LGALS3: variants seen among roughly 807,000 people sequenced by gnomAD.
LGALS3 encodes galectin 3.
A neutral mutation model predicts 20.7 loss-of-function variants in LGALS3; 18 were observed. The observed-to-expected ratio is 0.87, with a 90% CI of 0.60 to 1.29. The LOEUF (loss-of-function observed/expected upper bound fraction) is 1.29, where lower values mean the gene tolerates loss of function less well. Among genes scored for constraint, LGALS3 ranks in the 50% most tolerant of loss-of-function variants. LGALS3 has a pLI of 0.00. For synonymous variants in LGALS3, 112 were observed against 119.6 expected (o/e 0.94, Z 0.42); for missense variants, 315 against 314.7 (o/e 1.00, Z -0.01).
At chr14:55,137,765 G>T in intron 2 of LGALS3, 1 of 1,322,972 alleles carries the variant, frequency 7.6e-7, no homozygotes, top group Non-Finnish European at 9.6e-7. Context: ...GCTATAAGTA[G>T]AGGAGCGCTA....
At chr14:55,138,920 TG>T (rs1881520760) in intron 3 of LGALS3, among the ~76,000 whole-genome samples, 2 of 152,216 alleles carry the variant, frequency 1.3e-5, no homozygotes, top group African/African-American at 4.8e-5. Context: ...CATAACTCCA[TG>T]GGGGATCCAG....
rs1881165463 is a variant in LGALS3, at chr14:55,129,560, T to A, written c.-5+260T>A. ...CAGCACCTTACGAGACCCACACACG[T>A]CCCCGGGGCGGCACGGGCCACCTTC... On this transcript the variant is annotated intron_variant, in intron 1 of 5. Transcript: ENST00000254301. The surrounding 1 kb of genome is among the most constrained non-coding windows in gnomAD (Gnocchi z 5.3). Among the ~76,000 whole-genome samples the A allele has an allele frequency of 6.6e-6, 1 of 151,956 alleles. No homozygotes were observed. Among genetic ancestry groups the A allele is most frequent in the South Asian group, 2.1e-4 (1 of 4,828 alleles).
intron 1 of LGALS3, among the ~76,000 whole-genome samples, chr14:55,130,082 C>G (rs1594647846): frequency 6.6e-6 from 1 of 152,226 alleles, no homozygotes; most frequent in Non-Finnish European, 1.5e-5. Context: ...AATCAAATGC[C>G]CCTCCCTGCC....
rs1271605920 is a variant in LGALS3, at chr14:55,145,348, A to G, written c.*77A>G. On this transcript the variant is annotated 3_prime_UTR_variant, in exon 6 of 6. Transcript: ENST00000254301. ...AAAGGTTTCATGTTCACTGTGAGTG[A>G]AAATTTTTACATTCATCAATATCCC... 6.3e-7 allele frequency: 1 copy of G among 1,596,798 alleles called. No homozygotes were observed. Among genetic ancestry groups the G allele is most frequent in the South Asian group, 1.1e-5 (1 of 90,044 alleles).
rs1296774809 is a variant in LGALS3 at position 55,132,862 on chromosome 14, C to T, written c.-5+3562C>T. On this transcript the variant is annotated intron_variant, in intron 1 of 5. Coordinates refer to ENST00000254301, the MANE Select transcript of LGALS3 (RefSeq NM_002306.4). ...GATTACAGGCATGAGCCACTGCACT[C>T]GGCCTATAATGCTTTTCAAAAAAGA... Among the ~76,000 whole-genome samples the T allele has an allele frequency of 5.9e-5, 9 of 152,278 alleles. No individual in the cohort carries two copies. In the East Asian group the frequency reaches 1.2e-3, roughly 20 times the overall value.
At chr14:55,135,343 T>C (rs117305457) in intron 1 of LGALS3, among the ~76,000 whole-genome samples, 3 of 152,178 alleles carry the variant, frequency 2.0e-5, no homozygotes, top group Non-Finnish European at 4.4e-5. Context: ...ACTGGAGATT[T>C]TGGATTTTGG....
At chr14:55,139,155 T>C (rs1315662899) in intron 3 of LGALS3, among the ~76,000 whole-genome samples, 2 of 152,076 alleles carry the variant, frequency 1.3e-5, no homozygotes, top group South Asian at 2.1e-4. Context: ...CAGAGATGGT[T>C]AGTCAGTTGC....
intron 1 of LGALS3, among the ~76,000 whole-genome samples, chr14:55,134,405 T>C (rs1278644123): frequency 6.6e-6 from 1 of 152,148 alleles, no homozygotes; most frequent in Non-Finnish European, 1.5e-5. Flanking sequence ...GAAATCAAAA[T>C]GTTGATAACG....
chr14:55,129,959 G>A lies in LGALS3; in HGVS notation c.-5+659G>A, dbSNP rs190473697. Among the ~76,000 whole-genome samples, 15 of 152,226 alleles carry A rather than the reference G, an allele frequency of 9.9e-5. No homozygotes were observed. The highest frequency in any genetic ancestry group is 1.9e-4 in the Non-Finnish European group (13 of 68,034). Reference sequence around the variant, plus strand: ...GAGTTCTTCCACCGGGACCAGCTGCGGCCGGGCTGCAGCCGCTGTCTGGTT... The same window carrying A: ...GAGTTCTTCCACCGGGACCAGCTGCAGCCGGGCTGCAGCCGCTGTCTGGTT... On this transcript the variant is annotated intron_variant, in intron 1 of 5. Transcript: ENST00000254301. This position sits in a 1 kb window ranked among gnomAD's most constrained non-coding sequence, Gnocchi z 5.3.
intron 2 of LGALS3, 62 bp from the exon 3 acceptor site, chr14:55,137,983 C>A: frequency 6.9e-7 from 1 of 1,457,006 alleles, no homozygotes; most frequent in South Asian, 1.7e-5. Flanking sequence ...TTCCTATTTT[C>A]CTGAAAATTC....
At chr14:55,139,064 C>T (rs1037805599) in intron 3 of LGALS3, among the ~76,000 whole-genome samples, 1 of 152,066 alleles carries the variant, frequency 6.6e-6, no homozygotes, top group African/African-American at 2.4e-5. Context: ...CAGAAGACAG[C>T]ACAAGGTAGC....
intron 1 of LGALS3, among the ~76,000 whole-genome samples, chr14:55,133,403 A>G (rs1431865243): frequency 2.6e-5 from 4 of 152,160 alleles, no homozygotes; most frequent in African/African-American, 7.2e-5. Context: ...GTTAGTATCA[A>G]ACCCTATATA....
chr14:55,136,702 G>A (rs969381648), intron 1 of LGALS3, among the ~76,000 whole-genome samples: 1 of 152,102 alleles, frequency 6.6e-6, no homozygotes, highest in Admixed American at 6.5e-5. Flanking sequence ...AACGTACAAT[G>A]AAATTATTGA....
Position 55,141,436 on chromosome 14 carries a change from A to G in LGALS3, c.431+1073A>G, listed in dbSNP as rs147953855. On this transcript the variant is annotated intron_variant, in intron 4 of 5. Transcript: ENST00000254301. ...ACACAGCACTCATGATTTATTAAAT[A>G]TCTGCTCTCCTCCTCCCACAACCCC... Among the ~76,000 whole-genome samples, 25 of 152,342 alleles carry G rather than the reference A, an allele frequency of 1.6e-4. No individual in the cohort carries two copies. In the East Asian group the frequency reaches 4.8e-3, roughly 29 times the overall value.
At chr14:55,142,161 A>G (rs1881645775) in intron 4 of LGALS3, among the ~76,000 whole-genome samples, 1 of 152,202 alleles carries the variant, frequency 6.6e-6, no homozygotes, top group Admixed American at 6.5e-5. Flanking sequence ...TTAACTATAT[A>G]GCTGGCTTGC....
At chr14:55,142,562 A>G in intron 4 of LGALS3, 22 bp from the exon 5 acceptor site, 1 of 1,597,574 alleles carries the variant, frequency 6.3e-7, no homozygotes, top group East Asian at 2.2e-5. Context: ...CATTTTAATA[A>G]CTGGTCTTTG....
chr14:55,138,272 A>G lies in LGALS3; in HGVS notation c.246A>G (p.Pro82=), dbSNP rs772185965. Residue 82 remains proline, a synonymous_variant, in exon 3 of 6, where the codon CCA becomes CCG. Coordinates refer to ENST00000254301, the MANE Select transcript of LGALS3 (RefSeq NM_002306.4). ...GAPAPGVYPG[P]PSGPGAYPSS... ...CTGCACCTGGAGTCTACCCAGGGCCACCCAGCGGCCCTGGGGCCTACCCAT... is the reference window on the plus strand; with the variant it reads ...CTGCACCTGGAGTCTACCCAGGGCCGCCCAGCGGCCCTGGGGCCTACCCAT... The G allele has an allele frequency of 2.1e-5, 34 of 1,612,416 alleles. No individual in the cohort carries two copies. The highest frequency in any genetic ancestry group is 1.2e-4 in the South Asian group (11 of 91,076).
chr14:55,140,138 G>C, intron 3 of LGALS3, 137 bp from the exon 4 acceptor site: 1 of 536,124 alleles, frequency 1.9e-6, no homozygotes, highest in South Asian at 2.9e-5. Flanking sequence ...AAAGTGGCCT[G>C]AGAGTCTGGA....
chr14:55,144,527 T>TA (rs35563148), intron 5 of LGALS3, among the ~76,000 whole-genome samples: 22 of 150,994 alleles, frequency 1.5e-4, no homozygotes, highest in South Asian at 2.1e-4. Context: ...TTTGCTGCTT[T>TA]AAAAAAAAAA....
Sources: gnomAD v4.1 joint callset for allele counts (sites outside exome capture counted in the v4.1 genomes callset) on GRCh38, gnomAD v4.1.1 for gene constraint, Gnocchi (gnomAD v3.1) non-coding constraint, MANE v1.5 for transcripts, NCBI Gene and HGNC (gene_info 2026-07-23, HGNC 2026-07-21) for gene names.